LCLAT1: variants seen among roughly 807,000 people sequenced by gnomAD.
The protein encoded by LCLAT1 is 1-AGP acyltransferase 8.
LCLAT1 carries 11 observed loss-of-function variants against 30.7 expected under a neutral mutation model. The ratio of observed to expected loss-of-function variants is 0.36; its 90% CI spans 0.23 to 0.59. The LOEUF (loss-of-function observed/expected upper bound fraction) is 0.59. LCLAT1 is among the 20% of genes least tolerant of loss of function. LCLAT1 has a pLI of 0.77. For synonymous variants in LCLAT1, 155 were observed against 151.3 expected, an observed-to-expected ratio of 1.02 and a Z score of -0.18; for missense variants, 402 against 458.6, an observed-to-expected ratio of 0.88 and a Z score of 1.13.
chr2:30,481,590 T>A (rs529785914), intron 1 of LCLAT1, among the ~76,000 whole-genome samples: 1 of 152,240 alleles, frequency 6.6e-6, no homozygotes, highest in East Asian at 1.9e-4. Flanking sequence ...GCGTGTGGAA[T>A]GCTGCCAAGA....
At chr2:30,633,614 G>A (rs1264343150) in intron 5 of LCLAT1, among the ~76,000 whole-genome samples, 18 of 152,304 alleles carry the variant, frequency 1.2e-4, no homozygotes, top group African/African-American at 4.1e-4. Context: ...GAACCCGGGA[G>A]GCGGAGGTTG....
In LCLAT1 at chr2:30,471,114, A is replaced by G. The variant is rs564055945; in HGVS notation, c.-5+23731A>G. 2.0e-5 allele frequency among the ~76,000 whole-genome samples: 3 copies of G among 151,524 alleles called. No homozygotes were observed. In the South Asian group the frequency reaches 6.3e-4, roughly 32 times the overall value. ...TTTTTAGTAGGGACGGAGTTTCACC[A>G]TTTTGGCCATGCTGATCTTGAACTC... On this transcript the variant is annotated intron_variant, in intron 1 of 5. Coordinates refer to ENST00000379509, the MANE Select transcript of LCLAT1 (RefSeq NM_001002257.3).
At chr2:30,608,577 A>ATACCT (rs1667579877) in intron 5 of LCLAT1, among the ~76,000 whole-genome samples, 1 of 152,024 alleles carries the variant, frequency 6.6e-6, no homozygotes, top group African/African-American at 2.4e-5. Context: ...TATTTTTACC[A>ATACCT]TACCTTTTCT....
intron 5 of LCLAT1, among the ~76,000 whole-genome samples, chr2:30,595,565 T>C (rs1366087907): frequency 1.3e-5 from 2 of 152,174 alleles, no homozygotes; most frequent in African/African-American, 4.8e-5. Flanking sequence ...CCAGTATCCT[T>C]CAGCACCTAG....
At position 30,581,997 on chromosome 2, in the gene LCLAT1, T is replaced by C. The variant is rs562581046; in HGVS notation, c.628+13821T>C. ...TACACATTGCATACATATCTTAAAA[T>C]AGCACACTACCTCATAAATAGGTAC... On this transcript the variant is annotated intron_variant, in intron 5 of 5. Coordinates refer to ENST00000379509, the MANE Select transcript of LCLAT1 (RefSeq NM_001002257.3). Among the ~76,000 whole-genome samples the C allele has an allele frequency of 3.3e-5, 5 of 152,336 alleles. No homozygotes were observed. In the South Asian group the frequency reaches 1.0e-3, roughly 32 times the overall value.
intron 5 of LCLAT1, among the ~76,000 whole-genome samples, chr2:30,571,554 T>C (rs1246575271): frequency 1.3e-5 from 2 of 152,226 alleles, no homozygotes; most frequent in African/African-American, 4.8e-5. Context: ...AGTGGAGGAC[T>C]AAAGGTGACC....
chr2:30,511,673 G>GTA (rs1377257184), intron 1 of LCLAT1, among the ~76,000 whole-genome samples: 1 of 152,190 alleles, frequency 6.6e-6, no homozygotes, highest in East Asian at 1.9e-4. Context: ...GATTCAGCAT[G>GTA]TATATGGTCA....
intron 5 of LCLAT1, among the ~76,000 whole-genome samples, chr2:30,603,469 G>GT (rs1461153349): frequency 6.7e-6 from 1 of 149,544 alleles, no homozygotes; most frequent in East Asian, 2.0e-4. Context: ...TTCAATTTTT[G>GT]CTTTTTTTTT....
chr2:30,500,219 A>G (rs1033961086), intron 1 of LCLAT1, among the ~76,000 whole-genome samples: 5 of 152,218 alleles, frequency 3.3e-5, no homozygotes, highest in Non-Finnish European at 7.4e-5. Context: ...AGTATTTAAT[A>G]AACAAAATCT....
At chr2:30,577,183 A>G (rs964753491) in intron 5 of LCLAT1, among the ~76,000 whole-genome samples, 27 of 152,016 alleles carry the variant, frequency 1.8e-4, no homozygotes, top group African/African-American at 5.3e-4. Flanking sequence ...AAAGCATGCA[A>G]ACTCACCTTG....
intron 5 of LCLAT1, among the ~76,000 whole-genome samples, chr2:30,568,499 TTC>T (rs1269124478): frequency 2.2e-5 from 3 of 134,150 alleles, no homozygotes; most frequent in Non-Finnish European, 4.6e-5. Context: ...AAAAATGTCT[TTC>T]TTTCTTTTTT....
At chr2:30,626,906 A>T (rs181947863) in intron 5 of LCLAT1, among the ~76,000 whole-genome samples, 1 of 152,224 alleles carries the variant, frequency 6.6e-6, no homozygotes, top group East Asian at 1.9e-4. Context: ...AAAAAGAGGA[A>T]TATTTTATTA....
intron 3 of LCLAT1, chr2:30,552,517 A>T (rs1215091748): frequency 2.2e-6 from 1 of 450,272 alleles, no homozygotes; most frequent in Admixed American, 2.4e-5. Context: ...AAACCTAATG[A>T]TACAGGCATA....
intron 3 of LCLAT1, among the ~76,000 whole-genome samples, chr2:30,558,811 C>G (rs1394639004): frequency 6.6e-6 from 1 of 152,082 alleles, no homozygotes; most frequent in Non-Finnish European, 1.5e-5. Flanking sequence ...TCTACTGAAG[C>G]TGAACAGACA....
intron 5 of LCLAT1, chr2:30,606,064 A>G (rs1667431321): frequency 7.8e-7 from 1 of 1,285,006 alleles, no homozygotes; most frequent in Admixed American, 2.3e-5. Flanking sequence ...GGAGAACTAC[A>G]AATCACTGCT....
At chr2:30,508,362 A>G (rs184996107) in intron 1 of LCLAT1, among the ~76,000 whole-genome samples, 3 of 152,196 alleles carry the variant, frequency 2.0e-5, no homozygotes, top group East Asian at 3.9e-4. Flanking sequence ...GCCAGTTCCT[A>G]TGTCCAGAAT....
intron 1 of LCLAT1, among the ~76,000 whole-genome samples, chr2:30,517,476 C>T (rs975645130): frequency 1.3e-5 from 2 of 152,216 alleles, no homozygotes; most frequent in Non-Finnish European, 2.9e-5. Context: ...ACCCAGCTTA[C>T]CCCCACCTGC....
intron 1 of LCLAT1, among the ~76,000 whole-genome samples, chr2:30,494,069 AT>A (rs1466473705): frequency 6.6e-6 from 1 of 152,128 alleles, no homozygotes; most frequent in African/African-American, 2.4e-5. Context: ...GAATAAAAAA[AT>A]AATTGGCCAG....
At chr2:30,568,469 A>G (rs1391012817) in intron 5 of LCLAT1, among the ~76,000 whole-genome samples, 1 of 148,132 alleles carries the variant, frequency 6.8e-6, no homozygotes, top group East Asian at 2.0e-4. Context: ...ATTCCATTTT[A>G]GGATATTTCT....
Sources: gnomAD v4.1 joint callset for allele counts (sites outside exome capture counted in the v4.1 genomes callset) on GRCh38, gnomAD v4.1.1 for gene constraint, MANE v1.5 for transcripts, NCBI Gene and HGNC (gene_info 2026-07-23, HGNC 2026-07-21) for gene names.